The following EEFSEC variants were observed in gnomAD, a reference collection of about 807,000 sequenced individuals.
The protein encoded by EEFSEC is selenocysteine-specific elongation factor.
Under a neutral mutation model 42.1 loss-of-function variants are expected in EEFSEC, and 43 were observed. That is an observed-to-expected ratio of 1.02 (90% CI 0.80 to 1.32). The LOEUF is 1.32. EEFSEC is among the 40% of genes most tolerant of loss of function. The pLI, the probability that EEFSEC is intolerant of heterozygous loss-of-function variation, is 0.00. For missense variants in EEFSEC, 745 were observed against 803.6 expected (o/e 0.93, Z 0.88); for synonymous variants, 354 against 339.1 (o/e 1.04, Z -0.48).
intron 4 of EEFSEC, among the ~76,000 whole-genome samples, chr3:128,331,947 C>G (rs2067138304): frequency 1.3e-5 from 2 of 151,938 alleles, no homozygotes; most frequent in Admixed American, 1.3e-4. Flanking sequence ...GATATCTATG[C>G]TAGAAAAACC....
chr3:128,179,690 G>A (rs2999053), intron 1 of EEFSEC, among the ~76,000 whole-genome samples: 20,287 of 152,194 alleles, frequency 0.13, 1,555 homozygotes, highest in Admixed American at 0.2. Flanking sequence ...GCTTGCGTTA[G>A]CATTTCATTT....
At chr3:128,335,502 G>A (rs780778013) in intron 4 of EEFSEC, among the ~76,000 whole-genome samples, 1 of 152,212 alleles carries the variant, frequency 6.6e-6, no homozygotes, top group Non-Finnish European at 1.5e-5. Flanking sequence ...GGGAAGCAAG[G>A]CCCACATGAC....
chr3:128,242,083 G>A (rs1449205317), intron 1 of EEFSEC, among the ~76,000 whole-genome samples: 1 of 152,214 alleles, frequency 6.6e-6, no homozygotes, highest in Non-Finnish European at 1.5e-5. Flanking sequence ...TTTGGGAGCT[G>A]AGGTGGGAGG....
In EEFSEC at chr3:128,165,081, T is replaced by C. The variant is rs139239328; in HGVS notation, c.316+11258T>C. On this transcript the variant is annotated intron_variant, in intron 1 of 6. Coordinates refer to ENST00000254730, the MANE Select transcript of EEFSEC (RefSeq NM_021937.5). ...TGGAGGGAGATGAAAGAATGGACTTTTGGAGAACGCTTGCTGTCTGCTGGA... is the reference window on the plus strand; with the variant it reads ...TGGAGGGAGATGAAAGAATGGACTTCTGGAGAACGCTTGCTGTCTGCTGGA... 1.5e-3 allele frequency among the ~76,000 whole-genome samples: 233 copies of C among 152,322 alleles called. 1 individual carries two copies. The highest frequency in any genetic ancestry group is 5.2e-3 in the African/African-American group (216 of 41,570).
At chr3:128,248,893 A>T (rs896713888) in intron 2 of EEFSEC, among the ~76,000 whole-genome samples, 4 of 152,242 alleles carry the variant, frequency 2.6e-5, no homozygotes, top group Admixed American at 2.6e-4. Context: ...TTTATCACAC[A>T]TCCAGAGGAA....
At chr3:128,341,179 C>T in intron 4 of EEFSEC, 54 bp from the exon 5 acceptor site, 1 of 1,544,154 alleles carries the variant, frequency 6.5e-7, no homozygotes, top group Non-Finnish European at 8.7e-7. Context: ...CCTCTCCTCC[C>T]CACAGCCCCG....
chr3:128,347,747 C>T (rs2067330155), intron 5 of EEFSEC, among the ~76,000 whole-genome samples: 1 of 152,092 alleles, frequency 6.6e-6, no homozygotes, highest in South Asian at 2.1e-4. Flanking sequence ...CGATAAAAGG[C>T]TCGGTTATAA....
intron 5 of EEFSEC, among the ~76,000 whole-genome samples, chr3:128,351,170 T>A (rs551854331): frequency 2.6e-5 from 4 of 152,098 alleles, no homozygotes; most frequent in Non-Finnish European, 4.4e-5. Flanking sequence ...GTGGTTGGTG[T>A]TGAGTACATG....
At chr3:128,287,222 C>T (rs184232956) in intron 4 of EEFSEC, among the ~76,000 whole-genome samples, 129 of 152,260 alleles carry the variant, frequency 8.5e-4, no homozygotes, top group Admixed American at 2.0e-3. Flanking sequence ...TGTCTTGAAG[C>T]GTGAAGCCCT....
chr3:128,163,171 G>A (rs945199788), intron 1 of EEFSEC, among the ~76,000 whole-genome samples: 1 of 152,038 alleles, frequency 6.6e-6, no homozygotes, highest in African/African-American at 2.4e-5. Context: ...GGAAAATGAT[G>A]GTATCTATAG....
chr3:128,233,889 T>C (rs2065982651), intron 1 of EEFSEC, among the ~76,000 whole-genome samples: 1 of 152,166 alleles, frequency 6.6e-6, no homozygotes, highest in African/African-American at 2.4e-5. Flanking sequence ...TGCACCTGTG[T>C]GTGTGAATAA....
chr3:128,375,135 T>G (rs940667202), intron 6 of EEFSEC, among the ~76,000 whole-genome samples: 24 of 151,924 alleles, frequency 1.6e-4, no homozygotes, highest in African/African-American at 5.6e-4. Context: ...AATAGAGGAG[T>G]AAGAAAATGT....
At chr3:128,224,958 C>A (rs954177831) in intron 1 of EEFSEC, among the ~76,000 whole-genome samples, 1 of 152,352 alleles carries the variant, frequency 6.6e-6, no homozygotes, top group East Asian at 1.9e-4. Flanking sequence ...TGAATCCACA[C>A]CCCTCTTAGT....
intron 1 of EEFSEC, among the ~76,000 whole-genome samples, chr3:128,157,632 A>G (rs1380841453): frequency 1.3e-5 from 2 of 152,228 alleles, no homozygotes; most frequent in African/African-American, 4.8e-5. Flanking sequence ...CGCAGCCTGG[A>G]TGACAGCACA....
intron 3 of EEFSEC, among the ~76,000 whole-genome samples, chr3:128,263,338 G>A (rs767715675): frequency 2.6e-5 from 4 of 152,232 alleles, no homozygotes; most frequent in Admixed American, 6.5e-5. Context: ...TCAGCTTCAC[G>A]GCCCCCCTGC....
intron 6 of EEFSEC, among the ~76,000 whole-genome samples, chr3:128,374,156 G>C (rs1265696969): frequency 3.3e-5 from 5 of 152,272 alleles, no homozygotes; most frequent in Admixed American, 3.3e-4. Flanking sequence ...CCAGGGTCCA[G>C]CACCTGAAGA....
chr3:128,398,349 C>T (rs1161282977), intron 6 of EEFSEC, among the ~76,000 whole-genome samples: 1 of 152,170 alleles, frequency 6.6e-6, no homozygotes, highest in East Asian at 1.9e-4. Context: ...GAGCGCCAGT[C>T]CCGAGGCTGG....
intron 3 of EEFSEC, among the ~76,000 whole-genome samples, chr3:128,263,064 T>C (rs2066315283): frequency 6.6e-6 from 1 of 152,232 alleles, no homozygotes; most frequent in African/African-American, 2.4e-5. Flanking sequence ...GAGGGTTAAA[T>C]GAGTTAATGT....
intron 1 of EEFSEC, among the ~76,000 whole-genome samples, chr3:128,228,943 G>T (rs2065933876): frequency 6.6e-6 from 1 of 152,168 alleles, no homozygotes; most frequent in African/African-American, 2.4e-5. Flanking sequence ...TGTCCCAGAG[G>T]AAATTCCAGC....
Sources: allele counts gnomAD v4.1 joint callset (sites outside exome capture counted in the v4.1 genomes callset), GRCh38; gene constraint gnomAD v4.1.1; transcripts MANE v1.5; gene names NCBI Gene and HGNC (gene_info 2026-07-23, HGNC 2026-07-21).